GTF2F1: variants seen among roughly 807,000 people sequenced by gnomAD.
GTF2F1 encodes the protein general transcription factor IIF 74 kDa subunit.
A neutral mutation model predicts 63.5 loss-of-function variants in GTF2F1; 39 were observed. The observed-to-expected ratio is 0.61, with a 90% CI of 0.48 to 0.80. The LOEUF is 0.80. Among genes scored for constraint, GTF2F1 ranks in the 30% least tolerant of loss-of-function variants. The probability of loss-of-function intolerance (pLI) is 0.00; values close to 1 mark genes in which losing one functional copy is unlikely to be tolerated. For synonymous variants in GTF2F1, 287 were observed against 285.3 expected, an observed-to-expected ratio of 1.01 and a Z score of -0.06; for missense variants, 657 against 718.3, an observed-to-expected ratio of 0.91 and a Z score of 0.97.
Position 6,383,905 on chromosome 19 carries a change from T to C in GTF2F1, c.498-410A>G, listed in dbSNP as rs112366608. Among the ~76,000 whole-genome samples, 7 of 151,730 alleles carry C rather than the reference T, an allele frequency of 4.6e-5. No individual in the cohort carries two copies. Among genetic ancestry groups the C allele is most frequent in the African/African-American group, 1.7e-4 (7 of 41,348 alleles). On this transcript the variant is annotated intron_variant, in intron 5 of 12. Transcript: ENST00000394456. The surrounding 1 kb of genome is among the most constrained non-coding windows in gnomAD (Gnocchi z 4.5). ...TCCGCCTCCTGGCTTCAAGCAATTC[T>C]CCTGACTCAGCCTCCCAGATAGCCG...
rs778868830 is a variant in GTF2F1, at chr19:6,381,042, T to G, written c.1093A>C (p.Lys365Gln). The G allele has an allele frequency of 6.2e-7, 1 of 1,611,510 alleles. No homozygotes were observed. The highest frequency in any genetic ancestry group is 2.2e-5 in the East Asian group (1 of 44,850). Residue 365 changes from lysine (K) to glutamine (Q), a missense_variant and splice_region_variant, in exon 11 of 13, where the codon AAG becomes CAG. Around this residue, in one of 2 missense-constraint regions of GTF2F1, gnomAD observed 602 missense variants for 625.6 expected, o/e 0.96. Transcript: ENST00000394456. The surrounding 1 kb of genome is among the most constrained non-coding windows in gnomAD (Gnocchi z 4.1). ...SEASSALFMA[K>Q]KKTPPKRERK... is the part of the protein sequence containing the mutation. Reference sequence around the variant, plus strand: ...TCTCTCTTGGGTGGCGTCTTCTTCTTCTGCAGAGGTCAGGGTTGGGAGGTG... The same window carrying G: ...TCTCTCTTGGGTGGCGTCTTCTTCTGCTGCAGAGGTCAGGGTTGGGAGGTG...
intron 3 of GTF2F1, 58 bp from the exon 4 acceptor site, chr19:6,389,695 C>G: frequency 6.6e-7 from 1 of 1,512,676 alleles, no homozygotes; most frequent in Non-Finnish European, 9.1e-7. Flanking sequence ...CGCAGTGCCC[C>G]CCTCCAGGAA....
chr19:6,379,919 T>C lies in GTF2F1; in HGVS notation c.*362A>G. 3.1e-6 allele frequency: 1 copy of C among 322,630 alleles called. No homozygotes were observed. Among genetic ancestry groups the C allele is most frequent in the South Asian group, 3.2e-5 (1 of 31,172 alleles). 20.0% of individuals were successfully genotyped at this position (322,630 alleles called of 1,614,324 possible). On this transcript the variant is annotated 3_prime_UTR_variant, in exon 13 of 13. Coordinates refer to ENST00000394456, the MANE Select transcript of GTF2F1 (RefSeq NM_002096.3). ...CTTACTGGGCTATGTGGTGGATAAGTCACAGCTGAAGAGAGACTTAGGGAA... is the reference window on the plus strand; with the variant it reads ...CTTACTGGGCTATGTGGTGGATAAGCCACAGCTGAAGAGAGACTTAGGGAA...
intron 3 of GTF2F1, among the ~76,000 whole-genome samples, chr19:6,390,091 G>A (rs117991836): frequency 0.057 from 8,619 of 152,234 alleles, 332 homozygotes; most frequent in Non-Finnish European, 0.088. Flanking sequence ...GCTCACACCT[G>A]TAATCCCAGA....
Position 6,380,955 on chromosome 19 carries a change from C to T in GTF2F1, c.1180G>A (p.Gly394Ser), listed in dbSNP as rs1296085530. ...NSRPGTPSAE[G>S]GSTSSTLRAA... ...CGCAGGGTGGAGGAGGTGCTGCCAC[C>T]CTCTGCGCTGGGCGTGCCTGGGCGG... Residue 394 changes from glycine to serine, a missense_variant, in exon 11 of 13, where the codon GGT (glycine) becomes AGT (serine). Coordinates refer to ENST00000394456, the MANE Select transcript of GTF2F1 (RefSeq NM_002096.3). This position sits in a 1 kb window ranked among gnomAD's most constrained non-coding sequence, Gnocchi z 5.3. 2 of 1,595,012 alleles carry T rather than the reference C, an allele frequency of 1.3e-6. No individual in the cohort carries two copies. Among genetic ancestry groups the T allele is most frequent in the Non-Finnish European group, 1.7e-6 (2 of 1,171,092 alleles).
At position 6,389,633 on chromosome 19, in the gene GTF2F1, C is replaced by T. The variant is rs760026116; in HGVS notation, c.137G>A (p.Arg46Gln). 1.8e-5 allele frequency: 29 copies of T among 1,613,204 alleles called. No homozygotes were observed. Among genetic ancestry groups the T allele is most frequent in the South Asian group, 3.3e-5 (3 of 91,070 alleles). Residue 46 changes from arginine (R) to glutamine (Q), a missense_variant, in exon 4 of 13, where the codon CGG (arginine) becomes CAG (glutamine). By Grantham distance (43) the Arg-to-Gln change is conservative. Transcript: ENST00000394456. The stretch of plus-strand genomic sequence containing the variant: ...CTTGTTGCTCAAGTCCCGCTCCAGC[C>T]GAGCCTAGGGGAGCAGGAAGCAAAG... ...KVNFATWNQARLERDLSNKKI... is the reference protein window; with the variant it reads ...KVNFATWNQAQLERDLSNKKI...
rs2092007903 is a variant in GTF2F1, at chr19:6,393,029, C to A, written c.-34G>T. Reference sequence around the variant, plus strand: ...GTCAGTGGTTCCGATCTGGTCCGACCCGGGTTCCTTTCGTCTCCTCTGGCG... The same window carrying A: ...GTCAGTGGTTCCGATCTGGTCCGACACGGGTTCCTTTCGTCTCCTCTGGCG... On this transcript the variant is annotated 5_prime_UTR_variant, in exon 1 of 13. Coordinates refer to ENST00000394456, the MANE Select transcript of GTF2F1 (RefSeq NM_002096.3). The A allele has an allele frequency of 6.2e-7, 1 of 1,613,068 alleles. No individual in the cohort carries two copies. Among genetic ancestry groups the A allele is most frequent in the Non-Finnish European group, 8.5e-7 (1 of 1,179,950 alleles).
rs140441631 is a variant in GTF2F1 at position 6,381,847 on chromosome 19, C to T, written c.686G>A (p.Gly229Asp). ...CTTCTTCTTGGCCTTGGGGACTCTG[C>T]CCCCTGGGAAGGGAGGAAAGGAAGG... ...DASDASGEEG[G>D]RVPKAKKKAP... Residue 229 changes from glycine to aspartate, a missense_variant, in exon 7 of 13, where the codon GGC (glycine) becomes GAC (aspartate). Gly to Asp is a moderately conservative substitution (Grantham distance 94). Coordinates refer to ENST00000394456, the MANE Select transcript of GTF2F1 (RefSeq NM_002096.3). This position sits in a 1 kb window ranked among gnomAD's most constrained non-coding sequence, Gnocchi z 4.1. The T allele has an allele frequency of 7.5e-6, 12 of 1,610,366 alleles. No homozygotes were observed. Among genetic ancestry groups the T allele is most frequent in the Non-Finnish European group, 1.0e-5 (12 of 1,178,604 alleles).
chr19:6,381,200 G>C lies in GTF2F1; in HGVS notation c.1019-5C>G. On this transcript the variant is annotated splice_polypyrimidine_tract_variant and splice_region_variant and intron_variant, in intron 9 of 12. Coordinates refer to ENST00000394456, the MANE Select transcript of GTF2F1 (RefSeq NM_002096.3). This position sits in a 1 kb window ranked among gnomAD's most constrained non-coding sequence, Gnocchi z 4.1. ...TGTCCGACTCCTCGCTGCTGTCTGC[G>C]GGGCACAGGAAAGGGGTCAGGGCCA... The C allele has an allele frequency of 6.2e-7, 1 of 1,605,142 alleles. No homozygotes were observed. The highest frequency in any genetic ancestry group is 1.1e-5 in the South Asian group (1 of 89,770).
chr19:6,387,489 C>T lies in GTF2F1; in HGVS notation c.397G>A (p.Gly133Arg). Reference sequence around the variant, plus strand: ...TGCACGGGGAAGGCCTCGAAGGCCCCGTCGGGGCACTGGGTGAAGATGTAG... The same window carrying T: ...TGCACGGGGAAGGCCTCGAAGGCCCTGTCGGGGCACTGGGTGAAGATGTAG... Reference protein sequence around the residue: ...SYYIFTQCPDGAFEAFPVHNW... With the variant: ...SYYIFTQCPDRAFEAFPVHNW... Residue 133 changes from glycine to arginine, a missense_variant, in exon 5 of 13, where the codon GGG becomes AGG. Transcript: ENST00000394456. The T allele has an allele frequency of 2.5e-6, 4 of 1,614,206 alleles. No homozygotes were observed. The South Asian group carries it at 4.4e-5, about 18-fold the overall frequency.
intron 4 of GTF2F1, among the ~76,000 whole-genome samples, chr19:6,388,716 G>A (rs147890125): frequency 6.6e-6 from 1 of 152,162 alleles, no homozygotes; most frequent in Admixed American, 6.5e-5. Context: ...GGGAGACCAA[G>A]GTAGGAGGAT....
intron 3 of GTF2F1, among the ~76,000 whole-genome samples, chr19:6,390,022 A>T (rs531395915): frequency 2.0e-5 from 3 of 152,300 alleles, no homozygotes; most frequent in Non-Finnish European, 2.9e-5. Context: ...ATGTCTAAGT[A>T]CCTAGAATTT....
intron 5 of GTF2F1, among the ~76,000 whole-genome samples, chr19:6,385,678 C>T (rs2091971478): frequency 6.6e-6 from 1 of 152,108 alleles, no homozygotes; most frequent in Admixed American, 6.6e-5. Context: ...GGCTCGGAGG[C>T]TCATGACCTG....
At position 6,381,429 on chromosome 19, in the gene GTF2F1, C is replaced by A. The variant is rs139032339; in HGVS notation, c.948G>T (p.Pro316=). ...CCTCCTCCTCCTTGTCCTCCTCAGGCGGCTTCTCCTCCTCACTCTCCTCAC... is the reference window on the plus strand; with the variant it reads ...CCTCCTCCTCCTTGTCCTCCTCAGGAGGCTTCTCCTCCTCACTCTCCTCAC... ...DSSEESEEEK[P]PEEDKEEEEE... is the part of the protein sequence containing the mutation. Residue 316 remains proline (P), a synonymous_variant, in exon 9 of 13, where the codon CCG becomes CCT. Coordinates refer to ENST00000394456, the MANE Select transcript of GTF2F1 (RefSeq NM_002096.3). This position sits in a 1 kb window ranked among gnomAD's most constrained non-coding sequence, Gnocchi z 4.1. 3.7e-6 allele frequency: 6 copies of A among 1,610,150 alleles called. No individual in the cohort carries two copies. In the Admixed American group the frequency reaches 6.7e-5, roughly 18 times the overall value.
In GTF2F1 at chr19:6,381,762, G is replaced by C; in HGVS notation, c.771C>G (p.Ala257=). Residue 257 remains alanine, a synonymous_variant, in exon 7 of 13, where the codon GCC becomes GCG. Coordinates refer to ENST00000394456, the MANE Select transcript of GTF2F1 (RefSeq NM_002096.3). The surrounding 1 kb of genome is among the most constrained non-coding windows in gnomAD (Gnocchi z 4.1). ...AGTCCCCATCATCGCTGTCCTCGAA[G>C]GCCTCGTCGTCTGAACCCTTCTTCT... ...KKKKKGSDDE[A]FEDSDDGDFE... The C allele has an allele frequency of 6.2e-7, 1 of 1,614,192 alleles. No homozygotes were observed. Among genetic ancestry groups the C allele is most frequent in the Non-Finnish European group, 8.5e-7 (1 of 1,180,034 alleles).
intron 4 of GTF2F1, among the ~76,000 whole-genome samples, chr19:6,388,071 A>T (rs1403934883): frequency 6.6e-6 from 1 of 150,838 alleles, no homozygotes; most frequent in East Asian, 1.9e-4. Flanking sequence ...CTGGGATTAC[A>T]GGTGTCTGCC....
rs766582714 is a variant in GTF2F1 at position 6,379,654 on chromosome 19, A to C, written c.*627T>G. 6.5e-6 allele frequency: 1 copy of C among 154,284 alleles called. No individual in the cohort carries two copies. Among genetic ancestry groups the C allele is most frequent in the South Asian group, 2.0e-4 (1 of 4,964 alleles). The allele number at this position is 154,284 out of a possible 1,614,324, so 9.6% of individuals were successfully genotyped here. A position where few individuals can be genotyped will look rare whatever the true frequency, so the allele number is the denominator to read the frequency against. On this transcript the variant is annotated 3_prime_UTR_variant, in exon 13 of 13. Coordinates refer to ENST00000394456, the MANE Select transcript of GTF2F1 (RefSeq NM_002096.3). Reference sequence around the variant, plus strand: ...CAGTGGCGTGGTGTCAGCTCACAGCAACCTCCACCTCCCAGGTTCAAGTGA... The same window carrying C: ...CAGTGGCGTGGTGTCAGCTCACAGCCACCTCCACCTCCCAGGTTCAAGTGA...
rs1013096761 is a variant in GTF2F1, at chr19:6,388,023, G to A, written c.327-464C>T. Among the ~76,000 whole-genome samples, 15 of 149,980 alleles carry A rather than the reference G, an allele frequency of 1.0e-4. No individual in the cohort carries two copies. The East Asian group carries it at 1.4e-3, about 14-fold the overall frequency. On this transcript the variant is annotated intron_variant, in intron 4 of 12. Transcript: ENST00000394456. ...CAGCTCACTGCAACCTCCACCTCCC[G>A]GGTTCAAGCAATTCTCATGCCTCAG...
chr19:6,389,424 GC>G lies in GTF2F1; in HGVS notation c.326+19del. On this transcript the variant is annotated intron_variant, in intron 4 of 12. Coordinates refer to ENST00000394456, the MANE Select transcript of GTF2F1 (RefSeq NM_002096.3). ...GTGGACTGGTCACTAAGCCGGCACC[GC>G]CACCGCCCCACCACTTACTTCCTGC... 2 of 1,608,542 alleles carry G rather than the reference GC, an allele frequency of 1.2e-6. No homozygotes were observed. Among genetic ancestry groups the G allele is most frequent in the Non-Finnish European group, 1.7e-6 (2 of 1,175,718 alleles).
Sources: allele counts gnomAD v4.1 joint callset (sites outside exome capture counted in the v4.1 genomes callset), GRCh38; gene constraint gnomAD v4.1.1; regional missense constraint gnomAD v4.1.1; non-coding constraint Gnocchi (gnomAD v3.1); transcripts MANE v1.5; gene names NCBI Gene and HGNC (gene_info 2026-07-23, HGNC 2026-07-21).